Variants in RB1CC1 observed in about 807,000 individuals in gnomAD.
The protein encoded by RB1CC1 is RB1-inducible coiled-coil protein 1.
A neutral mutation model predicts 177.5 loss-of-function variants in RB1CC1; 46 were observed. That is an observed-to-expected ratio of 0.26 (90% CI 0.20 to 0.33). The LOEUF is 0.33. Among genes scored for constraint, RB1CC1 ranks in the 10% least tolerant of loss-of-function variants. The pLI, the probability that RB1CC1 is intolerant of heterozygous loss-of-function variation, is 1.00. For synonymous variants in RB1CC1, 666 were observed against 613.6 expected, an observed-to-expected ratio of 1.09 and a Z score of -1.26; for missense variants, 1,703 against 1,816.3, an observed-to-expected ratio of 0.94 and a Z score of 1.13.
At chr8:52,647,818 G>C (rs952462374) in intron 15 of RB1CC1, among the ~76,000 whole-genome samples, 1 of 152,144 alleles carries the variant, frequency 6.6e-6, no homozygotes, top group Non-Finnish European at 1.5e-5. Flanking sequence ...GAATGATATC[G>C]TGTGAATCTA....
chr8:52,623,921 C>T (rs1848208854), intron 23 of RB1CC1, 62 bp from the exon 24 acceptor site: 2 of 1,004,050 alleles, frequency 2.0e-6, no homozygotes, highest in East Asian at 2.4e-5. Context: ...CTCTCTCACA[C>T]ACACACACAC....
chr8:52,699,420 G>A lies in RB1CC1; in HGVS notation c.-166-12453C>T, dbSNP rs1280187697. Among the ~76,000 whole-genome samples, 3 of 152,070 alleles carry A rather than the reference G, an allele frequency of 2.0e-5. No homozygotes were observed. The South Asian group carries it at 6.2e-4, about 32-fold the overall frequency. ...TGGAAGTATAGCTAAAACAAGATTG[G>A]CCATGACGTGATGATAACTGAATCA... On this transcript the variant is annotated intron_variant, in intron 1 of 23. Coordinates refer to ENST00000025008, the MANE Select transcript of RB1CC1 (RefSeq NM_014781.5).
At chr8:52,674,902 T>C (rs182787709) in intron 6 of RB1CC1, among the ~76,000 whole-genome samples, 4 of 152,232 alleles carry the variant, frequency 2.6e-5, no homozygotes, top group East Asian at 1.9e-4. Context: ...TCTTAGAATA[T>C]AACCTTATGG....
chr8:52,692,346 T>C (rs1854951339), intron 1 of RB1CC1, among the ~76,000 whole-genome samples: 1 of 152,188 alleles, frequency 6.6e-6, no homozygotes, highest in African/African-American at 2.4e-5. Flanking sequence ...AAAATCTTTT[T>C]TTTAAAGTAA....
Position 52,695,980 on chromosome 8 carries a change from G to A in RB1CC1, c.-166-9013C>T, listed in dbSNP as rs919997336. ...AACTTGCCACTAGTACCTGAAATGA[G>A]GGCAGTTTTGTGGGACTGTTCCTTC... On this transcript the variant is annotated intron_variant, in intron 1 of 23. Transcript: ENST00000025008. 2.0e-5 allele frequency among the ~76,000 whole-genome samples: 3 copies of A among 152,280 alleles called. No individual in the cohort carries two copies. The South Asian group carries it at 6.2e-4, about 32-fold the overall frequency.
rs745321743 is a variant in RB1CC1 at position 52,623,674 on chromosome 8, C to T, written c.*108G>A. The T allele has an allele frequency of 3.8e-5, 29 of 766,622 alleles. No individual in the cohort carries two copies. The highest frequency in any genetic ancestry group is 5.8e-5 in the South Asian group (4 of 69,354). 47.5% of individuals were successfully genotyped at this position (766,622 alleles called of 1,614,324 possible). A position where few individuals can be genotyped will look rare whatever the true frequency, so the allele number is the denominator to read the frequency against. Reference sequence around the variant, plus strand: ...TGTACACCAGTGAAGTATATTGTCACGCTGACTTTTGCATAAAAAGATGGC... The same window carrying T: ...TGTACACCAGTGAAGTATATTGTCATGCTGACTTTTGCATAAAAAGATGGC... On this transcript the variant is annotated 3_prime_UTR_variant, in exon 24 of 24. Coordinates refer to ENST00000025008, the MANE Select transcript of RB1CC1 (RefSeq NM_014781.5).
intron 21 of RB1CC1, among the ~76,000 whole-genome samples, chr8:52,629,924 C>T (rs1327293676): frequency 6.6e-6 from 1 of 152,184 alleles, no homozygotes; most frequent in Admixed American, 6.5e-5. Flanking sequence ...TTCCCCCTCA[C>T]CGTCATCCAA....
Position 52,636,008 on chromosome 8 carries a change from T to C in RB1CC1, c.4392+7A>G, listed in dbSNP as rs374213211. The C allele has an allele frequency of 3.1e-5, 49 of 1,606,532 alleles. No homozygotes were observed. The highest frequency in any genetic ancestry group is 6.8e-6 in the Non-Finnish European group (8 of 1,177,728). On this transcript the variant is annotated splice_region_variant and intron_variant, in intron 19 of 23. Coordinates refer to ENST00000025008, the MANE Select transcript of RB1CC1 (RefSeq NM_014781.5). ...AACATGGTACTTCAAGAAGATAATT[T>C]ACTTACTCGTTCTAACAGCATTATC...
intron 15 of RB1CC1, among the ~76,000 whole-genome samples, chr8:52,649,300 T>C (rs1172935894): frequency 1.3e-5 from 2 of 152,190 alleles, no homozygotes; most frequent in Non-Finnish European, 2.9e-5. Context: ...GATACATTTG[T>C]TACCAGCTGG....
rs543353809 is a variant in RB1CC1, at chr8:52,695,718, A to G, written c.-166-8751T>C. Among the ~76,000 whole-genome samples, 6 of 152,354 alleles carry G rather than the reference A, an allele frequency of 3.9e-5. No homozygotes were observed. In the South Asian group the frequency reaches 1.2e-3, roughly 32 times the overall value. ...AGAAGGTAACACTGTCTATGACTCCACCAGCAATGATGGCCAGAAGCTCTG... is the reference window on the plus strand; with the variant it reads ...AGAAGGTAACACTGTCTATGACTCCGCCAGCAATGATGGCCAGAAGCTCTG... On this transcript the variant is annotated intron_variant, in intron 1 of 23. Transcript: ENST00000025008.
At chr8:52,688,256 A>G (rs1426545981) in intron 1 of RB1CC1, among the ~76,000 whole-genome samples, 4 of 152,230 alleles carry the variant, frequency 2.6e-5, no homozygotes, top group African/African-American at 9.6e-5. Flanking sequence ...GGTCAGGCAA[A>G]AAGAGCCATA....
intron 1 of RB1CC1, among the ~76,000 whole-genome samples, chr8:52,689,832 C>T (rs942318403): frequency 6.6e-6 from 1 of 152,078 alleles, no homozygotes; most frequent in Non-Finnish European, 1.5e-5. Flanking sequence ...CATCTTCTTC[C>T]AGACTCAAGA....
intron 18 of RB1CC1, among the ~76,000 whole-genome samples, chr8:52,636,320 TTC>T (rs1849140950): frequency 6.6e-6 from 1 of 152,124 alleles, no homozygotes; most frequent in South Asian, 2.1e-4. Context: ...GTCTTTAAAT[TTC>T]TTATTTTTCC....
At position 52,657,810 on chromosome 8, in the gene RB1CC1, T is replaced by C. The variant is rs1315626345; in HGVS notation, c.2019A>G (p.Pro673=). The C allele has an allele frequency of 6.2e-7, 1 of 1,613,898 alleles. No homozygotes were observed. ...TTTTSPRTPP[P]LTVQDPLCPA... is the part of the protein sequence containing the mutation. ...GACATAAGGGATCCTGAACAGTCAG[T>C]GGTGGAGGAGTTCTCGGTGAGGTAG... Residue 673 remains proline, a synonymous_variant, in exon 15 of 24, where the codon CCA becomes CCG. Transcript: ENST00000025008.
intron 21 of RB1CC1, 48 bp from the exon 22 acceptor site, chr8:52,628,216 C>T (rs771125370): frequency 1.3e-6 from 2 of 1,552,210 alleles, no homozygotes; most frequent in South Asian, 1.2e-5. Context: ...CTTTCAATCC[C>T]CCTATTCTGA....
chr8:52,714,241 C>T lies in RB1CC1; in HGVS notation c.-333G>A, dbSNP rs1157473659. On this transcript the variant is annotated 5_prime_UTR_variant, in exon 1 of 24. Transcript: ENST00000025008. Reference sequence around the variant, plus strand: ...GGCGCCCGCCCGCCGCGGCCCCGAACTCTAGGAGGCAGGGAGGGGTCCGGG... The same window carrying T: ...GGCGCCCGCCCGCCGCGGCCCCGAATTCTAGGAGGCAGGGAGGGGTCCGGG... 5 of 218,504 alleles carry T rather than the reference C, an allele frequency of 2.3e-5. No homozygotes were observed. The highest frequency in any genetic ancestry group is 4.0e-5 in the South Asian group (1 of 24,720). 13.5% of individuals were successfully genotyped at this position (218,504 alleles called of 1,614,324 possible).
At chr8:52,626,845 A>G (rs1417702409) in intron 22 of RB1CC1, among the ~76,000 whole-genome samples, 1 of 152,134 alleles carries the variant, frequency 6.6e-6, no homozygotes, top group Non-Finnish European at 1.5e-5. Context: ...AAGACTAGGA[A>G]TTTGCCAGCC....
At chr8:52,691,042 C>G (rs1292765982) in intron 1 of RB1CC1, among the ~76,000 whole-genome samples, 1 of 152,142 alleles carries the variant, frequency 6.6e-6, no homozygotes, top group Non-Finnish European at 1.5e-5. Flanking sequence ...ATCTACAGTC[C>G]ATATTCAAAC....
At position 52,656,697 on chromosome 8, in the gene RB1CC1, C is replaced by T. The variant is rs1226264493; in HGVS notation, c.3132G>A (p.Gln1044=). The T allele has an allele frequency of 6.2e-7, 1 of 1,613,734 alleles. No individual in the cohort carries two copies. The change falls in exon 15 of 24, where the codon CAG becomes CAA. Residue 1044 remains glutamine, a synonymous_variant. Coordinates refer to ENST00000025008, the MANE Select transcript of RB1CC1 (RefSeq NM_014781.5). ...EIIQEKEKQL[Q]ELKLKVSDLS... is the part of the protein sequence containing the mutation. ...AATCAGAAACCTTGAGTTTTAATTC[C>T]TGTAACTGTTTTTCTTTTTCCTGGA... is the stretch of plus-strand genomic sequence containing the variant.
Sources: allele counts gnomAD v4.1 joint callset (sites outside exome capture counted in the v4.1 genomes callset), GRCh38; gene constraint gnomAD v4.1.1; transcripts MANE v1.5; gene names NCBI Gene and HGNC (gene_info 2026-07-23, HGNC 2026-07-21).